Variants in CPED1 observed in about 807,000 individuals in gnomAD.
CPED1 encodes the protein cadherin-like and PC-esterase domain-containing protein 1.
In CPED1, 114 loss-of-function variants were observed where a neutral mutation model predicts 128.2. The observed-to-expected ratio is 0.89, with a 90% CI of 0.76 to 1.04. The LOEUF (loss-of-function observed/expected upper bound fraction) is 1.04, where lower values mean the gene tolerates loss of function less well. Ranked by LOEUF, CPED1 falls within the 50% of genes least tolerant of loss-of-function variation. The pLI is 0.00. For missense variants in CPED1, 1,211 were observed against 1,207.1 expected, an observed-to-expected ratio of 1.00 and a Z score of -0.05; for synonymous variants, 462 against 426.7, an observed-to-expected ratio of 1.08 and a Z score of -1.02.
intron 7 of CPED1, among the ~76,000 whole-genome samples, chr7:121,113,605 T>A (rs929068715): frequency 1.3e-5 from 2 of 152,042 alleles, no homozygotes; most frequent in African/African-American, 4.8e-5. Context: ...AGAATTTGAA[T>A]GTCCTTAAGA....
intron 2 of CPED1, among the ~76,000 whole-genome samples, chr7:121,003,136 T>C (rs138756656): frequency 6.6e-6 from 1 of 152,310 alleles, no homozygotes; most frequent in East Asian, 1.9e-4. Context: ...TCTTCTTTCG[T>C]ATTTTCCATT....
At chr7:121,100,797 A>G (rs1331186959) in intron 7 of CPED1, among the ~76,000 whole-genome samples, 1 of 152,156 alleles carries the variant, frequency 6.6e-6, no homozygotes, top group Non-Finnish European at 1.5e-5. Flanking sequence ...TCATAGTTTG[A>G]ACAGATTAGA....
At chr7:120,995,853 G>A (rs535374707) in intron 2 of CPED1, among the ~76,000 whole-genome samples, 2 of 151,778 alleles carry the variant, frequency 1.3e-5, no homozygotes, top group African/African-American at 4.8e-5. Flanking sequence ...ACATTCTTCA[G>A]TTTTTTTTAT....
chr7:121,032,928 C>T (rs902656077), intron 3 of CPED1, among the ~76,000 whole-genome samples: 5 of 152,102 alleles, frequency 3.3e-5, no homozygotes, highest in East Asian at 1.9e-4. Flanking sequence ...TTGTCTTAGG[C>T]GACAGCCCTG....
At chr7:121,181,462 ATTTG>A (rs1796895408) in intron 16 of CPED1, among the ~76,000 whole-genome samples, 1 of 152,016 alleles carries the variant, frequency 6.6e-6, no homozygotes, top group Non-Finnish European at 1.5e-5. Context: ...AATTAAAGAT[ATTTG>A]TTTGAAATAC....
chr7:121,025,402 T>C (rs986984920), intron 3 of CPED1, among the ~76,000 whole-genome samples: 3 of 152,318 alleles, frequency 2.0e-5, no homozygotes, highest in East Asian at 1.9e-4. Context: ...GGTATTAGAA[T>C]AGATTTGGGC....
intron 7 of CPED1, among the ~76,000 whole-genome samples, chr7:121,109,049 TTCTATTTGATTACAACCTGAGCCTCAAA>T (rs1166951807): frequency 2.6e-5 from 4 of 152,184 alleles, no homozygotes; most frequent in African/African-American, 9.6e-5. Flanking sequence ...TTTGTGTTAC[TTCTATTTGATTACAACCTGAGCCTCAAA>T]TCTGCTGTTA....
chr7:121,256,003 A>G (rs1032332992), intron 18 of CPED1, among the ~76,000 whole-genome samples: 2 of 151,030 alleles, frequency 1.3e-5, no homozygotes, highest in Non-Finnish European at 3.0e-5. Context: ...TACAGATTCA[A>G]TGCTCTTCCT....
intron 16 of CPED1, among the ~76,000 whole-genome samples, chr7:121,216,713 A>G (rs911817515): frequency 6.6e-6 from 1 of 152,004 alleles, no homozygotes; most frequent in Non-Finnish European, 1.5e-5. Flanking sequence ...CCAATCACCT[A>G]TAGCCAAAAA....
intron 2 of CPED1, among the ~76,000 whole-genome samples, chr7:121,014,052 G>A (rs1259875686): frequency 1.3e-5 from 2 of 152,146 alleles, no homozygotes; most frequent in African/African-American, 2.4e-5. Context: ...AAAAATTTCC[G>A]TAAGAGATAA....
At chr7:121,063,350 C>T (rs572315242) in intron 4 of CPED1, among the ~76,000 whole-genome samples, 1 of 88,558 alleles carries the variant, frequency 1.1e-5, no homozygotes, top group South Asian at 3.8e-4. Context: ...ACTAAAAGCT[C>T]TAAATGCTTT....
At chr7:121,244,129 G>A in intron 17 of CPED1, 73 bp from the exon 18 acceptor site, 1 of 1,565,010 alleles carries the variant, frequency 6.4e-7, no homozygotes, top group Non-Finnish European at 8.8e-7. Flanking sequence ...GTGTGCCATA[G>A]CTGAATTTTA....
At chr7:121,004,412 C>T (rs1432282714) in intron 2 of CPED1, among the ~76,000 whole-genome samples, 4 of 152,144 alleles carry the variant, frequency 2.6e-5, no homozygotes, top group South Asian at 2.1e-4. Context: ...CCCTTACATC[C>T]GGCAGGTGTT....
chr7:121,027,088 G>A (rs1403059089), intron 3 of CPED1, among the ~76,000 whole-genome samples: 5 of 150,710 alleles, frequency 3.3e-5, no homozygotes, highest in East Asian at 2.0e-4. Context: ...CAATTGTCCC[G>A]CCTCAGCATC....
chr7:121,032,439 A>C (rs547553121), intron 3 of CPED1, among the ~76,000 whole-genome samples: 3 of 151,902 alleles, frequency 2.0e-5, no homozygotes, highest in African/African-American at 7.2e-5. Context: ...CTAACATGGA[A>C]CAGAAAACTA....
At chr7:121,093,837 C>T (rs1794634007) in intron 5 of CPED1, among the ~76,000 whole-genome samples, 1 of 152,084 alleles carries the variant, frequency 6.6e-6, no homozygotes, top group South Asian at 2.1e-4. Context: ...TGGGGAGCTC[C>T]TCTACCCCTT....
chr7:121,128,030 A>ATT (rs890493106), intron 10 of CPED1, among the ~76,000 whole-genome samples: 4 of 151,342 alleles, frequency 2.6e-5, no homozygotes, highest in African/African-American at 9.7e-5. Context: ...TTATAATGCT[A>ATT]TTTTTTTTTA....
At chr7:121,196,802 C>CT (rs1204685672) in intron 16 of CPED1, among the ~76,000 whole-genome samples, 49 of 145,294 alleles carry the variant, frequency 3.4e-4, no homozygotes, top group South Asian at 4.4e-4. Context: ...ACTAAAGTTT[C>CT]TTTTTTTTTT....
At chr7:121,248,966 C>T (rs1438365861) in intron 18 of CPED1, among the ~76,000 whole-genome samples, 1 of 152,034 alleles carries the variant, frequency 6.6e-6, no homozygotes, top group African/African-American at 2.4e-5. Flanking sequence ...ATGAAATAGC[C>T]ATTTTGAGAA....
Sources: gnomAD v4.1 joint callset for allele counts (sites outside exome capture counted in the v4.1 genomes callset) on GRCh38, gnomAD v4.1.1 for gene constraint, MANE v1.5 for transcripts, NCBI Gene and HGNC (gene_info 2026-07-23, HGNC 2026-07-21) for gene names.